CFAP44: variants seen among roughly 807,000 people sequenced by gnomAD.
The protein encoded by CFAP44 is cilia and flagella associated protein 44.
CFAP44 carries 134 observed loss-of-function variants against 216.2 expected under a neutral mutation model. The ratio of observed to expected loss-of-function variants is 0.62; its 90% CI spans 0.54 to 0.72. The LOEUF (loss-of-function observed/expected upper bound fraction) is 0.72. Ranked by LOEUF, CFAP44 falls within the 30% of genes least tolerant of loss-of-function variation. The pLI, the probability that CFAP44 is intolerant of heterozygous loss-of-function variation, is 0.00. For missense variants in CFAP44, 2,035 were observed against 2,182.1 expected (o/e 0.93, Z 1.34); for synonymous variants, 700 against 727.6 (o/e 0.96, Z 0.61).
chr3:113,318,800 G>A (rs533831776), intron 28 of CFAP44, among the ~76,000 whole-genome samples: 18 of 152,000 alleles, frequency 1.2e-4, no homozygotes, highest in East Asian at 1.2e-3. Context: ...AAATAAATTC[G>A]AACCAAGAAT....
intron 6 of CFAP44, among the ~76,000 whole-genome samples, chr3:113,413,442 C>T (rs1036156560): frequency 6.6e-5 from 10 of 152,040 alleles, no homozygotes; most frequent in African/African-American, 1.9e-4. Context: ...GAAGTCTTTG[C>T]CCATGCCTAT....
chr3:113,306,424 G>A, intron 29 of CFAP44, 93 bp from the exon 30 acceptor site: 1 of 1,435,504 alleles, frequency 7.0e-7, no homozygotes, highest in Non-Finnish European at 9.3e-7. Context: ...AATCAATAAT[G>A]TCTATTTATG....
At chr3:113,361,599 C>T (rs1389673957) in intron 21 of CFAP44, among the ~76,000 whole-genome samples, 1 of 151,300 alleles carries the variant, frequency 6.6e-6, no homozygotes, top group Non-Finnish European at 1.5e-5. Context: ...GGTTTCACGC[C>T]ATTCTCCTGC....
chr3:113,356,567 C>T (rs1420467684), intron 22 of CFAP44, among the ~76,000 whole-genome samples: 1 of 152,044 alleles, frequency 6.6e-6, no homozygotes, highest in Non-Finnish European at 1.5e-5. Context: ...TGACTTATGA[C>T]AAAAGCATCA....
intron 4 of CFAP44, among the ~76,000 whole-genome samples, chr3:113,421,462 C>G (rs1306727672): frequency 6.6e-6 from 1 of 152,162 alleles, no homozygotes; most frequent in Non-Finnish European, 1.5e-5. Context: ...AATAGAACTA[C>G]CATTCAACCT....
At chr3:113,365,812 T>A (rs1031750314) in intron 19 of CFAP44, among the ~76,000 whole-genome samples, 2 of 152,136 alleles carry the variant, frequency 1.3e-5, no homozygotes, top group African/African-American at 4.8e-5. Flanking sequence ...ACTGACACAT[T>A]CTTTTTTAAT....
At chr3:113,406,799 T>G (rs1934295958) in intron 8 of CFAP44, 128 bp downstream of exon 8, 2 of 597,204 alleles carry the variant, frequency 3.3e-6, no homozygotes, top group Non-Finnish European at 5.7e-6. Context: ...GAAGTAAAAT[T>G]AAATGTTCAT....
chr3:113,433,458 A>AAAAAAAAAAAAT, intron 2 of CFAP44, 107 bp downstream of exon 2: 2 of 295,860 alleles, frequency 6.8e-6, no homozygotes, highest in East Asian at 6.8e-5. Flanking sequence ...AAAAAAAAAG[A>AAAAAAAAAAAAT]TCTATTTTAT....
chr3:113,298,186 C>A (rs1949900456), intron 32 of CFAP44, among the ~76,000 whole-genome samples: 1 of 152,268 alleles, frequency 6.6e-6, no homozygotes, highest in African/African-American at 2.4e-5. Context: ...AACATGTACT[C>A]TGATCCCTGC....
At chr3:113,315,717 C>T (rs1950079970) in intron 28 of CFAP44, among the ~76,000 whole-genome samples, 1 of 152,194 alleles carries the variant, frequency 6.6e-6, no homozygotes, top group African/African-American at 2.4e-5. Flanking sequence ...AGAAACCAGA[C>T]TTCAAGTACT....
intron 24 of CFAP44, among the ~76,000 whole-genome samples, chr3:113,338,665 G>A (rs996384827): frequency 6.6e-6 from 1 of 152,096 alleles, no homozygotes; most frequent in Non-Finnish European, 1.5e-5. Context: ...TCAAACATTT[G>A]GGTGAAATTC....
In CFAP44 at chr3:113,403,702, C is replaced by T. The variant is rs184292806; in HGVS notation, c.1170+150G>A. On this transcript the variant is annotated intron_variant, in intron 9 of 34. Transcript: ENST00000393845. Reference sequence around the variant, plus strand: ...TTGACAAGAATGCAAATATTTACCACAAGAGAAGCATTATTTAAAGTGAGT... The same window carrying T: ...TTGACAAGAATGCAAATATTTACCATAAGAGAAGCATTATTTAAAGTGAGT... 8 of 846,428 alleles carry T rather than the reference C, an allele frequency of 9.5e-6. No homozygotes were observed. The East Asian group carries it at 2.5e-4, about 26-fold the overall frequency. 52.4% of individuals were successfully genotyped at this position (846,428 alleles called of 1,614,324 possible).
rs1559934817 is a variant in CFAP44 at position 113,396,510 on chromosome 3, C to T, written c.1779+8G>A. 6.2e-7 allele frequency: 1 copy of T among 1,612,740 alleles called. No individual in the cohort carries two copies. Reference sequence around the variant, plus strand: ...TCAACAAGAAAAGAAAGGAAATGTACTGCTTACCCCTGTGGCTAGAATTTC... The same window carrying T: ...TCAACAAGAAAAGAAAGGAAATGTATTGCTTACCCCTGTGGCTAGAATTTC... On this transcript the variant is annotated splice_region_variant and intron_variant, in intron 14 of 34. Transcript: ENST00000393845.
intron 15 of CFAP44, among the ~76,000 whole-genome samples, chr3:113,389,218 G>A (rs1271087812): frequency 6.6e-6 from 1 of 152,052 alleles, no homozygotes; most frequent in Non-Finnish European, 1.5e-5. Flanking sequence ...CAATAAAAAG[G>A]AATTTTGGAA....
intron 28 of CFAP44, among the ~76,000 whole-genome samples, chr3:113,314,757 T>C (rs1950071364): frequency 1.3e-5 from 2 of 151,958 alleles, no homozygotes; most frequent in South Asian, 2.1e-4. Context: ...TGGGGGAGGG[T>C]AAAGGGATGT....
intron 32 of CFAP44, among the ~76,000 whole-genome samples, chr3:113,300,920 T>C (rs1487994609): frequency 1.3e-5 from 2 of 152,236 alleles, no homozygotes; most frequent in Admixed American, 1.3e-4. Flanking sequence ...ATTGATGTAA[T>C]CATTTTGGAA....
intron 28 of CFAP44, among the ~76,000 whole-genome samples, chr3:113,321,110 G>A (rs1448183232): frequency 1.3e-5 from 2 of 152,066 alleles, no homozygotes; most frequent in Admixed American, 1.3e-4. Context: ...GAGCATAGAC[G>A]CAAAAATATT....
At chr3:113,423,414 A>G (rs1934874498) in intron 4 of CFAP44, among the ~76,000 whole-genome samples, 2 of 152,136 alleles carry the variant, frequency 1.3e-5, no homozygotes, top group South Asian at 4.1e-4. Context: ...TGCTAGGAGT[A>G]CAGGCCTGAG....
At chr3:113,402,112 T>C (rs1221517031) in intron 9 of CFAP44, among the ~76,000 whole-genome samples, 1 of 152,228 alleles carries the variant, frequency 6.6e-6, no homozygotes, top group Non-Finnish European at 1.5e-5. Flanking sequence ...TGAACCCTGT[T>C]TTCTACATAC....
Sources: gnomAD v4.1 joint callset for allele counts (sites outside exome capture counted in the v4.1 genomes callset) on GRCh38, gnomAD v4.1.1 for gene constraint, MANE v1.5 for transcripts, NCBI Gene and HGNC (gene_info 2026-07-23, HGNC 2026-07-21) for gene names.